Variants in SNRK observed in about 807,000 individuals in gnomAD.
SNRK encodes SNF related kinase, also known as SNF-related serine/threonine-protein kinase.
In SNRK, 3 loss-of-function variants were observed where a neutral mutation model predicts 48.2. That is an observed-to-expected ratio of 0.06 (90% CI 0.03 to 0.16). SNRK has a LOEUF of 0.16. Among genes scored for constraint, SNRK ranks in the 10% least tolerant of loss-of-function variants. SNRK has a pLI of 1.00. For synonymous variants in SNRK, 376 were observed against 366.1 expected, an observed-to-expected ratio of 1.03 and a Z score of -0.31; for missense variants, 627 against 976.0, an observed-to-expected ratio of 0.64 and a Z score of 4.76.
At chr3:43,332,769 A>C (rs2091156513) in intron 4 of SNRK, 1 of 152,404 alleles carries the variant, frequency 6.6e-6, no homozygotes, top group Non-Finnish European at 1.5e-5. Flanking sequence ...TATGTCTCAT[A>C]ATTTTCTTCA....
chr3:43,346,550 T>C (rs1054094110), intron 6 of SNRK, among the ~76,000 whole-genome samples: 6 of 152,236 alleles, frequency 3.9e-5, no homozygotes, highest in African/African-American at 1.4e-4. Context: ...GTGAATTTTG[T>C]TATTCACTAC....
intron 3 of SNRK, among the ~76,000 whole-genome samples, chr3:43,316,933 A>G (rs1575544244): frequency 6.6e-6 from 1 of 151,710 alleles, no homozygotes; most frequent in Non-Finnish European, 1.5e-5. Context: ...CCTCATTCCA[A>G]CTCATTTTCT....
rs139651995 is a variant in SNRK at position 43,336,953 on chromosome 3, C to T, written c.732-3334C>T. 3.0e-3 allele frequency among the ~76,000 whole-genome samples: 456 copies of T among 152,178 alleles called. 1 individual carries two copies. The highest frequency in any genetic ancestry group is 0.01 in the African/African-American group (434 of 41,530). On this transcript the variant is annotated intron_variant, in intron 4 of 6. Coordinates refer to ENST00000296088, the MANE Select transcript of SNRK (RefSeq NM_017719.5). ...ATTTTTAGTAGAGACGGGTTTTCAC[C>T]GTGTTAGCCAGGGTGGTCTCGATCT...
rs35154175 is a variant in SNRK at position 43,343,455 on chromosome 3, G to A, written c.1056G>A (p.Pro352=). The A allele has an allele frequency of 2.7e-3, 4,336 of 1,613,290 alleles. 100 individuals are homozygous for A. The African/African-American group carries it at 0.05, about 19-fold the overall frequency. ...AAATACAGACCAGATCTGCAAGCCCGAGCAATATCAAGGCCCAGTTTAGGT... is the reference window on the plus strand; with the variant it reads ...AAATACAGACCAGATCTGCAAGCCCAAGCAATATCAAGGCCCAGTTTAGGT... ...EKEIQTRSAS[P]SNIKAQFRQS... is the part of the protein sequence containing the mutation. Residue 352 remains proline, a synonymous_variant, in exon 6 of 7, where the codon CCG becomes CCA. Coordinates refer to ENST00000296088, the MANE Select transcript of SNRK (RefSeq NM_017719.5).
chr3:43,301,279 C>T (rs1329471776), intron 2 of SNRK, among the ~76,000 whole-genome samples: 2 of 152,080 alleles, frequency 1.3e-5, no homozygotes, highest in East Asian at 1.9e-4. Flanking sequence ...ATAAAAGTGA[C>T]TTTATGCTTC....
rs55847039 is a variant in SNRK, at chr3:43,322,951, CAAA to C, written c.590-9205_590-9203del. On this transcript the variant is annotated intron_variant, in intron 3 of 6. Coordinates refer to ENST00000296088, the MANE Select transcript of SNRK (RefSeq NM_017719.5). ...TGCGCGACAGAGTAAGACTCCGTCT[CAAA>C]AAAAAAAAAAAAGACTGTATTGGCA... 3.4e-3 allele frequency among the ~76,000 whole-genome samples: 247 copies of C among 72,636 alleles called. 16 individuals are homozygous for C. The highest frequency in any genetic ancestry group is 0.014 in the African/African-American group (235 of 16,772). The allele number at this position is 72,636 out of a possible 152,430, so 47.7% of individuals were successfully genotyped here.
At chr3:43,332,969 T>A (rs992345695) in intron 4 of SNRK, 7 of 152,220 alleles carry the variant, frequency 4.6e-5, no homozygotes, top group African/African-American at 1.7e-4. Flanking sequence ...CATTTTTTAA[T>A]GAGCTCAGCT....
intron 3 of SNRK, among the ~76,000 whole-genome samples, chr3:43,328,132 G>A (rs1405019788): frequency 6.6e-6 from 1 of 151,944 alleles, no homozygotes; most frequent in Non-Finnish European, 1.5e-5. Context: ...TCTTTAATAT[G>A]AAGAGACAGT....
chr3:43,322,639 G>A (rs999324389), intron 3 of SNRK, among the ~76,000 whole-genome samples: 26 of 152,166 alleles, frequency 1.7e-4, no homozygotes, highest in Admixed American at 3.9e-4. Flanking sequence ...GGACTTAGTA[G>A]AAAAGCTACA....
At chr3:43,302,784 A>G (rs907296904) in intron 2 of SNRK, among the ~76,000 whole-genome samples, 16 of 152,064 alleles carry the variant, frequency 1.1e-4, no homozygotes, top group Non-Finnish European at 1.5e-4. Flanking sequence ...AATTCCTTTT[A>G]GAAAATGTTT....
intron 6 of SNRK, among the ~76,000 whole-genome samples, chr3:43,346,412 G>A (rs920037627): frequency 1.3e-5 from 2 of 152,156 alleles, no homozygotes; most frequent in African/African-American, 4.8e-5. Flanking sequence ...GTTCAGAGAC[G>A]TTTATTCAGA....
At chr3:43,341,739 C>A (rs1202844161) in intron 5 of SNRK, among the ~76,000 whole-genome samples, 1 of 152,186 alleles carries the variant, frequency 6.6e-6, no homozygotes, top group Non-Finnish European at 1.5e-5. Flanking sequence ...GTTGGCTGGA[C>A]CTGCAGACCC....
chr3:43,324,038 C>T (rs927820328), intron 3 of SNRK, among the ~76,000 whole-genome samples: 6 of 152,088 alleles, frequency 3.9e-5, no homozygotes, highest in African/African-American at 4.8e-5. Context: ...TGGAGAAATG[C>T]ACCCTAAAAA....
At chr3:43,308,992 C>T (rs2090958195) in intron 3 of SNRK, among the ~76,000 whole-genome samples, 1 of 152,114 alleles carries the variant, frequency 6.6e-6, no homozygotes, top group African/African-American at 2.4e-5. Context: ...TCATGGATGA[C>T]TTCGAGGGGT....
chr3:43,300,704 T>C (rs1235698135), intron 2 of SNRK, among the ~76,000 whole-genome samples: 1 of 151,684 alleles, frequency 6.6e-6, no homozygotes, highest in East Asian at 1.9e-4. Flanking sequence ...GGTCTTTCAA[T>C]TTGGATTTTC....
Position 43,348,124 on chromosome 3 carries a change from C to T in SNRK, c.1865C>T (p.Thr622Ile). 4 of 1,583,096 alleles carry T rather than the reference C, an allele frequency of 2.5e-6. No homozygotes were observed. The highest frequency in any genetic ancestry group is 3.4e-6 in the Non-Finnish European group (4 of 1,165,166). ...GGCAACCCCACCAATACATCGGGTA[C>T]CACACGCCGCTGTGCCGGCCCCAGC... is the stretch of plus-strand genomic sequence containing the variant. ...SGGNPTNTSG[T>I]TRRCAGPSNS... The change falls in exon 7 of 7, where the codon ACC becomes ATC. Residue 622 changes from threonine to isoleucine, a missense_variant. Thr to Ile is a moderately conservative substitution (Grantham distance 89). Transcript: ENST00000296088.
chr3:43,341,103 A>C (rs922005999), intron 5 of SNRK, among the ~76,000 whole-genome samples: 2 of 151,970 alleles, frequency 1.3e-5, no homozygotes, highest in African/African-American at 4.8e-5. Context: ...TGCAAGTTAT[A>C]CAAGTTGTTA....
intron 4 of SNRK, among the ~76,000 whole-genome samples, chr3:43,337,025 T>A (rs1319428804): frequency 1.3e-5 from 2 of 152,194 alleles, no homozygotes; most frequent in Non-Finnish European, 2.9e-5. Flanking sequence ...GTGCTGGGAT[T>A]ACAGGCATGA....
intron 1 of SNRK, among the ~76,000 whole-genome samples, chr3:43,294,063 G>A (rs2090834021): frequency 6.6e-6 from 1 of 152,106 alleles, no homozygotes; most frequent in African/African-American, 2.4e-5. Flanking sequence ...TGGGTATATT[G>A]TGTTTTATTT....
Sources: allele counts gnomAD v4.1 joint callset (sites outside exome capture counted in the v4.1 genomes callset), GRCh38; gene constraint gnomAD v4.1.1; transcripts MANE v1.5; gene names NCBI Gene and HGNC (gene_info 2026-07-23, HGNC 2026-07-21).